RBMS3: variants seen among roughly 807,000 people sequenced by gnomAD.
RBMS3 encodes RNA-binding motif, single-stranded-interacting protein 3.
In RBMS3, 27 loss-of-function variants were observed where a neutral mutation model predicts 66.8. The observed-to-expected ratio is 0.40, with a 90% CI of 0.30 to 0.56. RBMS3 has a LOEUF of 0.56. Ranked by LOEUF, RBMS3 falls within the 20% of genes least tolerant of loss-of-function variation. The probability of loss-of-function intolerance (pLI) is 0.40; values close to 1 mark genes in which losing one functional copy is unlikely to be tolerated. For synonymous variants in RBMS3, 188 were observed against 183.0 expected, an observed-to-expected ratio of 1.03 and a Z score of -0.22; for missense variants, 513 against 549.5, an observed-to-expected ratio of 0.93 and a Z score of 0.66.
At chr3:29,727,733 A>T (rs947023123) in intron 4 of RBMS3, among the ~76,000 whole-genome samples, 6 of 152,258 alleles carry the variant, frequency 3.9e-5, no homozygotes, top group Admixed American at 2.0e-4. Flanking sequence ...CTGTGGAAAA[A>T]TAGGAATGCT....
At chr3:29,390,366 G>C (rs1326212501) in intron 1 of RBMS3, among the ~76,000 whole-genome samples, 1 of 151,832 alleles carries the variant, frequency 6.6e-6, no homozygotes, top group African/African-American at 2.4e-5. Context: ...TATTTAAAGA[G>C]ATATTTTATT....
At chr3:29,536,172 G>T (rs1205908116) in intron 3 of RBMS3, among the ~76,000 whole-genome samples, 3 of 152,094 alleles carry the variant, frequency 2.0e-5, no homozygotes, top group African/African-American at 7.2e-5. Context: ...GTCTGGGAAA[G>T]GCAATGCCAA....
chr3:29,467,335 A>G (rs2042578197), intron 2 of RBMS3, among the ~76,000 whole-genome samples: 1 of 152,208 alleles, frequency 6.6e-6, no homozygotes, highest in African/African-American at 2.4e-5. Context: ...CTGAAAAGTT[A>G]TCTTGACTCT....
At chr3:29,360,084 G>T (rs948222180) in intron 1 of RBMS3, among the ~76,000 whole-genome samples, 3 of 152,056 alleles carry the variant, frequency 2.0e-5, no homozygotes, top group Non-Finnish European at 2.9e-5. Context: ...CTTGCCTTCT[G>T]CAAGCTTCTG....
intron 3 of RBMS3, among the ~76,000 whole-genome samples, chr3:29,552,780 G>T (rs1201723090): frequency 6.6e-6 from 1 of 152,112 alleles, no homozygotes; most frequent in Non-Finnish European, 1.5e-5. Flanking sequence ...CAAAATATAT[G>T]TGTTCTCTTT....
chr3:29,313,093 T>C (rs2034476985), intron 1 of RBMS3, among the ~76,000 whole-genome samples: 1 of 151,810 alleles, frequency 6.6e-6, no homozygotes. Context: ...ATATAATGAA[T>C]GACTTTTTTG....
intron 2 of RBMS3, among the ~76,000 whole-genome samples, chr3:29,481,431 A>G (rs1189308563): frequency 6.6e-6 from 1 of 152,192 alleles, no homozygotes; most frequent in Non-Finnish European, 1.5e-5. Context: ...TGAGAAGTTG[A>G]TGGCAGTGAG....
At chr3:29,814,491 C>G (rs1559699508) in intron 6 of RBMS3, among the ~76,000 whole-genome samples, 2 of 152,104 alleles carry the variant, frequency 1.3e-5, no homozygotes, top group Non-Finnish European at 2.9e-5. Context: ...TGATGCTGGC[C>G]TCATAAAATG....
intron 1 of RBMS3, among the ~76,000 whole-genome samples, chr3:29,298,607 T>TC (rs1553628814): frequency 6.6e-6 from 1 of 151,774 alleles, no homozygotes; most frequent in African/African-American, 2.4e-5. Context: ...ATTTTTTTTT[T>TC]CCGGGAAATA....
intron 2 of RBMS3, among the ~76,000 whole-genome samples, chr3:29,454,845 T>C (rs1268752974): frequency 6.6e-6 from 1 of 152,132 alleles, no homozygotes; most frequent in Non-Finnish European, 1.5e-5. Flanking sequence ...CAAAGCAGAG[T>C]CACATACATA....
chr3:30,003,885 T>C lies in RBMS3; in HGVS notation c.*23T>C. 1 of 1,445,366 alleles carries C rather than the reference T, an allele frequency of 6.9e-7. No individual in the cohort carries two copies. The highest frequency in any genetic ancestry group is 2.5e-5 in the East Asian group (1 of 39,850). 89.5% of individuals were successfully genotyped at this position (1,445,366 alleles called of 1,614,324 possible). On this transcript the variant is annotated 3_prime_UTR_variant, in exon 15 of 15. Transcript: ENST00000383767. ...TAAACAGGACTGAAGAATGTCTGTCTGAATCTTTGCCTTGAATGAAGAAAC... is the reference window on the plus strand; with the variant it reads ...TAAACAGGACTGAAGAATGTCTGTCCGAATCTTTGCCTTGAATGAAGAAAC...
At chr3:29,532,323 A>C (rs1015522987) in intron 3 of RBMS3, among the ~76,000 whole-genome samples, 8 of 138,136 alleles carry the variant, frequency 5.8e-5, no homozygotes, top group African/African-American at 2.2e-4. Flanking sequence ...GTGCTTTTTA[A>C]GTTGGTACGT....
intron 10 of RBMS3, among the ~76,000 whole-genome samples, chr3:29,930,198 G>A (rs1175025293): frequency 2.9e-5 from 4 of 139,568 alleles, no homozygotes; most frequent in African/African-American, 1.1e-4. Context: ...TGCAAGCTCC[G>A]CCTCCCGGGT....
chr3:29,653,640 C>G (rs139264995), intron 4 of RBMS3, among the ~76,000 whole-genome samples: 1 of 152,030 alleles, frequency 6.6e-6, no homozygotes, highest in Admixed American at 6.6e-5. Flanking sequence ...CTCTTTCACA[C>G]GAATAAAACT....
intron 2 of RBMS3, among the ~76,000 whole-genome samples, chr3:29,450,817 A>T (rs1458722352): frequency 6.6e-6 from 1 of 152,040 alleles, no homozygotes; most frequent in Non-Finnish European, 1.5e-5. Context: ...ATAGTGAGGC[A>T]GATTTGAAAT....
At chr3:29,434,038 A>C (rs775947134) in intron 1 of RBMS3, among the ~76,000 whole-genome samples, 2 of 152,150 alleles carry the variant, frequency 1.3e-5, no homozygotes, top group Non-Finnish European at 2.9e-5. Flanking sequence ...GCCCACAACA[A>C]ATAATTATCC....
chr3:29,559,864 A>G (rs185824642), intron 3 of RBMS3, among the ~76,000 whole-genome samples: 3 of 152,258 alleles, frequency 2.0e-5, no homozygotes, highest in East Asian at 1.9e-4. Context: ...GGCATTAACA[A>G]TTTTACTTGT....
chr3:29,464,687 A>T (rs2042478754), intron 2 of RBMS3, among the ~76,000 whole-genome samples: 1 of 152,186 alleles, frequency 6.6e-6, no homozygotes, highest in African/African-American at 2.4e-5. Flanking sequence ...GATGAACATC[A>T]CAGGTTGAAT....
intron 4 of RBMS3, among the ~76,000 whole-genome samples, chr3:29,661,205 A>T (rs1004377652): frequency 6.6e-6 from 1 of 152,210 alleles, no homozygotes; most frequent in Non-Finnish European, 1.5e-5. Flanking sequence ...TCAGAGTTAC[A>T]AAAGAGTTGT....
Sources: gnomAD v4.1 joint callset for allele counts (sites outside exome capture counted in the v4.1 genomes callset) on GRCh38, gnomAD v4.1.1 for gene constraint, MANE v1.5 for transcripts, NCBI Gene and HGNC (gene_info 2026-07-23, HGNC 2026-07-21) for gene names.